The following TCOF1 variants were observed in gnomAD, a reference collection of about 807,000 sequenced individuals.
TCOF1 encodes treacle ribosome biogenesis factor 1.
Under a neutral mutation model 149.0 loss-of-function variants are expected in TCOF1, and 33 were observed. The ratio of observed to expected loss-of-function variants is 0.22; its 90% confidence interval spans 0.17 to 0.30. The LOEUF (loss-of-function observed/expected upper bound fraction) is 0.30. Among genes scored for constraint, TCOF1 ranks in the 10% least tolerant of loss-of-function variants. The pLI, the probability that TCOF1 is intolerant of heterozygous loss-of-function variation, is 1.00. For synonymous variants in TCOF1, 789 were observed against 738.8 expected (o/e 1.07, Z -1.10); for missense variants, 1,728 against 1,840.7 (o/e 0.94, Z 1.12).
At chr5:150,398,814 A>G (rs369802787) in intron 25 of TCOF1, among the ~76,000 whole-genome samples, 2 of 152,200 alleles carry the variant, frequency 1.3e-5, no homozygotes, top group Non-Finnish European at 1.5e-5. Flanking sequence ...GGGCCTTAGC[A>G]CCTCAGACAC....
intron 18 of TCOF1, among the ~76,000 whole-genome samples, chr5:150,389,301 G>T (rs144462549): frequency 6.6e-6 from 1 of 152,118 alleles, no homozygotes; most frequent in South Asian, 2.1e-4. Flanking sequence ...TGTATCTAAT[G>T]TTCAGTAACC....
chr5:150,388,247 G>T (rs1347253326), intron 18 of TCOF1, among the ~76,000 whole-genome samples, 159 bp downstream of exon 18: 1 of 152,196 alleles, frequency 6.6e-6, no homozygotes, highest in Non-Finnish European at 1.5e-5. Context: ...TTCTGATTAG[G>T]GCCTGGCTCA....
chr5:150,374,350 T>C lies in TCOF1; in HGVS notation c.1047T>C (p.Ser349=). ...SESSSEESSD[S]EEETPAAKAL... ...GCAGCAGCGAGGAGTCATCTGACAG[T>C]GAGGAGGAGACGCCAGCTGCCAAGG... Residue 349 remains serine, a synonymous_variant, in exon 8 of 27, where the codon AGT becomes AGC. Coordinates refer to ENST00000643257, the MANE Select transcript of TCOF1 (RefSeq NM_001371623.1). The C allele has an allele frequency of 7.0e-6, 11 of 1,560,860 alleles. No individual in the cohort carries two copies. Among genetic ancestry groups the C allele is most frequent in the Non-Finnish European group, 9.5e-6 (11 of 1,152,294 alleles).
intron 17 of TCOF1, among the ~76,000 whole-genome samples, chr5:150,387,161 G>C (rs920598407): frequency 2.0e-5 from 3 of 152,132 alleles, no homozygotes; most frequent in Non-Finnish European, 4.4e-5. Context: ...GCACAACTAC[G>C]ATACAGTGTC....
In TCOF1 at chr5:150,376,229, G is replaced by C; in HGVS notation, c.2041G>C (p.Ala681Pro). 1.9e-6 allele frequency: 3 copies of C among 1,614,232 alleles called. No homozygotes were observed. Among genetic ancestry groups the C allele is most frequent in the South Asian group, 1.1e-5 (1 of 91,088 alleles). The change falls in exon 13 of 27, where the codon GCT (alanine) becomes CCT (proline). Residue 681 changes from alanine to proline, a missense_variant. Around this residue, in one of 2 missense-constraint regions of TCOF1, gnomAD observed 1,696 missense variants for 1,765.4 expected, o/e 0.96. Coordinates refer to ENST00000643257, the MANE Select transcript of TCOF1 (RefSeq NM_001371623.1). ...GACTTCTCCAGCAGGCTCATCCCCA[G>C]CTGTGGCTGGGGGCACCCAGAGACC... ...TATSPAGSSP[A>P]VAGGTQRPAE...
chr5:150,382,773 C>T (rs1366667727), intron 17 of TCOF1, among the ~76,000 whole-genome samples: 4 of 152,348 alleles, frequency 2.6e-5, no homozygotes, highest in East Asian at 1.9e-4. Flanking sequence ...CACCTCTTGT[C>T]GAGACATTGG....
chr5:150,398,224 G>A, intron 24 of TCOF1, 130 bp from the exon 25 acceptor site: 1 of 1,565,374 alleles, frequency 6.4e-7, no homozygotes, highest in Non-Finnish European at 8.6e-7. Flanking sequence ...GCCCCGCCCT[G>A]CTGGCCTGTT....
Position 150,376,236 on chromosome 5 carries a change from C to T in TCOF1, c.2048C>T (p.Ala683Val). The T allele has an allele frequency of 6.2e-7, 1 of 1,614,230 alleles. No homozygotes were observed. The highest frequency in any genetic ancestry group is 8.5e-7 in the Non-Finnish European group (1 of 1,180,044). Residue 683 changes from alanine (A) to valine (V), a missense_variant, in exon 13 of 27, where the codon GCT becomes GTT. Transcript: ENST00000643257. ...TSPAGSSPAV[A>V]GGTQRPAEDS... Reference sequence around the variant, plus strand: ...CCAGCAGGCTCATCCCCAGCTGTGGCTGGGGGCACCCAGAGACCAGCAGAG... The same window carrying T: ...CCAGCAGGCTCATCCCCAGCTGTGGTTGGGGGCACCCAGAGACCAGCAGAG...
At position 150,392,965 on chromosome 5, in the gene TCOF1, A is replaced by T. The variant is rs1488081074; in HGVS notation, c.3603+175A>T. 6 of 769,668 alleles carry T rather than the reference A, an allele frequency of 7.8e-6. No homozygotes were observed. The African/African-American group carries it at 8.6e-5, about 11-fold the overall frequency. 47.7% of individuals were successfully genotyped at this position (769,668 alleles called of 1,614,324 possible). A position where few individuals can be genotyped will look rare whatever the true frequency, so the allele number is the denominator to read the frequency against. On this transcript the variant is annotated intron_variant, in intron 22 of 26. Coordinates refer to ENST00000643257, the MANE Select transcript of TCOF1 (RefSeq NM_001371623.1). The stretch of plus-strand genomic sequence containing the variant: ...GTGGCCCAGCCAGCAGACCACAGCC[A>T]GGCTGCCTCCGTCCCCTCATAGAGC...
At chr5:150,367,699 T>C in intron 3 of TCOF1, 145 bp from the exon 4 acceptor site, 1 of 883,054 alleles carries the variant, frequency 1.1e-6, no homozygotes, top group Non-Finnish European at 1.8e-6. Context: ...AGCTCATTCC[T>C]GCAAGTCTGG....
chr5:150,376,693 G>C, intron 14 of TCOF1, 73 bp downstream of exon 14: 1 of 1,484,032 alleles, frequency 6.7e-7, no homozygotes, highest in South Asian at 1.2e-5. Context: ...GGGCTTGACT[G>C]GGGGCTAGTG....
chr5:150,388,978 C>T (rs1259636100), intron 18 of TCOF1, among the ~76,000 whole-genome samples: 1 of 152,024 alleles, frequency 6.6e-6, no homozygotes, highest in African/African-American at 2.4e-5. Context: ...TGGTGGTTCG[C>T]ACCTGTAATC....
At chr5:150,378,802 G>A (rs1342219660) in intron 14 of TCOF1, 103 bp from the exon 15 acceptor site, 2 of 1,562,774 alleles carry the variant, frequency 1.3e-6, no homozygotes, top group African/African-American at 2.7e-5. Context: ...GCATGGAGGA[G>A]CCAGAATCCA....
rs1162881617 is a variant in TCOF1 at position 150,379,740 on chromosome 5, T to C, written c.2859+8T>C. ...GCTGTGACCTCTGCCCAGGTAAGACTTGCCAGGCCTCTGAGCCACCAACAC... is the reference window on the plus strand; with the variant it reads ...GCTGTGACCTCTGCCCAGGTAAGACCTGCCAGGCCTCTGAGCCACCAACAC... On this transcript the variant is annotated splice_region_variant and intron_variant, in intron 17 of 26. Coordinates refer to ENST00000643257, the MANE Select transcript of TCOF1 (RefSeq NM_001371623.1). The C allele has an allele frequency of 1.2e-6, 2 of 1,613,302 alleles. No individual in the cohort carries two copies. Among genetic ancestry groups the C allele is most frequent in the South Asian group, 2.2e-5 (2 of 91,016 alleles).
chr5:150,374,887 C>T, intron 9 of TCOF1, 67 bp from the exon 10 acceptor site: 2 of 1,611,846 alleles, frequency 1.2e-6, no homozygotes, highest in South Asian at 1.1e-5. Flanking sequence ...CCACCTTTGC[C>T]ACATCCAGCT....
intron 3 of TCOF1, among the ~76,000 whole-genome samples, chr5:150,367,339 C>T (rs1761584638): frequency 6.6e-6 from 1 of 152,126 alleles, no homozygotes; most frequent in South Asian, 2.1e-4. Flanking sequence ...CAGTGAATAT[C>T]GATATCTAAC....
intron 17 of TCOF1, chr5:150,384,108 C>T: frequency 8.3e-7 from 1 of 1,200,670 alleles, no homozygotes; most frequent in Non-Finnish European, 1.0e-6. Context: ...TCTCATGAAC[C>T]ACCTCCCCTT....
rs1461940239 is a variant in TCOF1 at position 150,376,307 on chromosome 5, G to A, written c.2119G>A (p.Gly707Ser). Residue 707 changes from glycine (G) to serine (S), a missense_variant, in exon 13 of 27, where the codon GGT becomes AGT. By Grantham distance (56) the Gly-to-Ser change is moderately conservative (BLOSUM62 0). This residue lies in a region of TCOF1 where 1,696 missense variants were observed against 1,765.4 expected (regional missense o/e 0.96). Coordinates refer to ENST00000643257, the MANE Select transcript of TCOF1 (RefSeq NM_001371623.1). Reference sequence around the variant, plus strand: ...ATCAGATAGTGAGGAAGAGAAGACAGGTCTTGCAGTAACCGTGGGACAGGT... The same window carrying A: ...ATCAGATAGTGAGGAAGAGAAGACAAGTCTTGCAGTAACCGTGGGACAGGT... The part of the protein sequence containing the change: ...EESDSEEEKT[G>S]LAVTVGQAKS... The A allele has an allele frequency of 1.2e-5, 19 of 1,614,192 alleles. No homozygotes were observed. Among genetic ancestry groups the A allele is most frequent in the Non-Finnish European group, 1.5e-5 (18 of 1,180,036 alleles).
Position 150,375,823 on chromosome 5 carries a change from A to C in TCOF1, c.1807A>C (p.Lys603Gln). The C allele has an allele frequency of 6.2e-7, 1 of 1,614,190 alleles. No individual in the cohort carries two copies. Among genetic ancestry groups the C allele is most frequent in the African/African-American group, 1.3e-5 (1 of 75,036 alleles). The change falls in exon 12 of 27, where the codon AAG (lysine) becomes CAG (glutamine). Residue 603 changes from lysine to glutamine, a missense_variant. Coordinates refer to ENST00000643257, the MANE Select transcript of TCOF1 (RefSeq NM_001371623.1). ...GPVAVQVKAE[K>Q]PMDNSESSEE... ...TGTAGCCGTCCAGGTCAAGGCTGAAAAGCCCATGGACAACTCGGAGAGCAG... is the reference window on the plus strand; with the variant it reads ...TGTAGCCGTCCAGGTCAAGGCTGAACAGCCCATGGACAACTCGGAGAGCAG...
Sources: allele counts gnomAD v4.1 joint callset (sites outside exome capture counted in the v4.1 genomes callset), GRCh38; gene constraint gnomAD v4.1.1; regional missense constraint gnomAD v4.1.1; transcripts MANE v1.5; gene names NCBI Gene and HGNC (gene_info 2026-07-23, HGNC 2026-07-21).